CELSR1: variants seen among roughly 807,000 people sequenced by gnomAD.
CELSR1 encodes adhesion G protein-coupled receptor C1.
In CELSR1, 110 loss-of-function variants were observed where a neutral mutation model predicts 249.1. The observed-to-expected ratio is 0.44, with a 90% confidence interval of 0.38 to 0.52. The LOEUF is 0.52. Among genes scored for constraint, CELSR1 ranks in the 20% least tolerant of loss-of-function variants. The probability of loss-of-function intolerance (pLI) is 0.00; values close to 1 mark genes in which losing one functional copy is unlikely to be tolerated. For missense variants in CELSR1, 4,109 were observed against 4,296.4 expected (o/e 0.96, Z 1.22); for synonymous variants, 2,113 against 1,900.0 (o/e 1.11, Z -2.92).
chr22:46,438,129 G>A (rs79151316), intron 3 of CELSR1, among the ~76,000 whole-genome samples: 2,090 of 151,798 alleles, frequency 0.014, 47 homozygotes, highest in African/African-American at 0.045. Flanking sequence ...GGGGAGGGTT[G>A]GAACAATGCA....
Position 46,535,434 on chromosome 22 carries a change from G to A in CELSR1, c.1737C>T (p.Pro579=), listed in dbSNP as rs771112754. The A allele has an allele frequency of 1.1e-5, 18 of 1,608,074 alleles. No homozygotes were observed. Among genetic ancestry groups the A allele is most frequent in the South Asian group, 6.6e-5 (6 of 90,302 alleles). The change falls in exon 1 of 35, where the codon CCC becomes CCT. Residue 579 remains proline (P), a synonymous_variant. Coordinates refer to ENST00000674500, the MANE Select transcript of CELSR1 (RefSeq NM_001378328.1). The part of the protein sequence containing the change: ...PFQATVLENV[P]LGYPVVHIQA... ...GAATGTGCACCACGGGGTAGCCCAG[G>A]GGCACATTCTCCAGCACCGTGGCCT...
In CELSR1 at chr22:46,406,892, G is replaced by A. The variant is rs559183186; in HGVS notation, c.5226+2104C>T. Among the ~76,000 whole-genome samples, 104 of 152,090 alleles carry A rather than the reference G, an allele frequency of 6.8e-4. 1 individual carries two copies. The highest frequency in any genetic ancestry group is 4.4e-3 in the Admixed American group (67 of 15,288). On this transcript the variant is annotated intron_variant, in intron 9 of 34. Coordinates refer to ENST00000674500, the MANE Select transcript of CELSR1 (RefSeq NM_001378328.1). The surrounding 1 kb of genome is among the most constrained non-coding windows in gnomAD (Gnocchi z 5.4). ...CACACTCGGCAGCAAAAGAAGCCCA[G>A]AGCCCAACGGAGCAAAGGCAATAAG...
chr22:46,465,905 C>T (rs1457591864), intron 1 of CELSR1, among the ~76,000 whole-genome samples: 3 of 152,208 alleles, frequency 2.0e-5, no homozygotes, highest in East Asian at 1.9e-4. Context: ...TAACGACACT[C>T]GGGTCATGCC....
rs1046283523 is a variant in CELSR1, at chr22:46,402,037, G to A, written c.5227-2135C>T. Reference sequence around the variant, plus strand: ...CGGGAGGCGGAGGTAGCAGTGAACCGAGATCACGCCACCGCACTCCAGCCT... The same window carrying A: ...CGGGAGGCGGAGGTAGCAGTGAACCAAGATCACGCCACCGCACTCCAGCCT... On this transcript the variant is annotated intron_variant, in intron 9 of 34. Transcript: ENST00000674500. This position sits in a 1 kb window ranked among gnomAD's most constrained non-coding sequence, Gnocchi z 5.0. Among the ~76,000 whole-genome samples, 2 of 151,952 alleles carry A rather than the reference G, an allele frequency of 1.3e-5. No individual in the cohort carries two copies. Among genetic ancestry groups the A allele is most frequent in the South Asian group, 2.1e-4 (1 of 4,804 alleles).
At position 46,488,329 on chromosome 22, in the gene CELSR1, G is replaced by T. The variant is rs531703257; in HGVS notation, c.3545-23984C>A. ...CTGGGGACAGGGGGATGGTCTTGGGGGATGAGAGTCCCACTAAGGAGCTGA... is the reference window on the plus strand; with the variant it reads ...CTGGGGACAGGGGGATGGTCTTGGGTGATGAGAGTCCCACTAAGGAGCTGA... On this transcript the variant is annotated intron_variant, in intron 1 of 34. Coordinates refer to ENST00000674500, the MANE Select transcript of CELSR1 (RefSeq NM_001378328.1). This position sits in a 1 kb window ranked among gnomAD's most constrained non-coding sequence, Gnocchi z 4.7. Among the ~76,000 whole-genome samples the T allele has an allele frequency of 3.3e-5, 5 of 152,170 alleles. No individual in the cohort carries two copies. The highest frequency in any genetic ancestry group is 3.3e-4 in the Admixed American group (5 of 15,298).
In CELSR1 at chr22:46,372,713, C is replaced by T. The variant is rs193292459; in HGVS notation, c.7759+170G>A. ...CAGAAGACGTCGCCCCAGGTGTCTG[C>T]GAGTGCCCCTGTGCATGCACTCGCA... is the stretch of plus-strand genomic sequence containing the variant. On this transcript the variant is annotated intron_variant, in intron 25 of 34. Transcript: ENST00000674500. Among the ~76,000 whole-genome samples the T allele has an allele frequency of 4.2e-4, 64 of 152,276 alleles. 1 individual carries two copies. The highest frequency in any genetic ancestry group is 3.4e-3 in the Middle Eastern group (1 of 294).
intron 1 of CELSR1, among the ~76,000 whole-genome samples, chr22:46,466,519 G>A (rs541792364): frequency 6.6e-6 from 1 of 152,202 alleles, no homozygotes. Flanking sequence ...GACCCACCGG[G>A]CTGCTGAGAC....
rs1253190432 is a variant in CELSR1 at position 46,488,006 on chromosome 22, G to A, written c.3545-23661C>T. On this transcript the variant is annotated intron_variant, in intron 1 of 34. Coordinates refer to ENST00000674500, the MANE Select transcript of CELSR1 (RefSeq NM_001378328.1). The surrounding 1 kb of genome is among the most constrained non-coding windows in gnomAD (Gnocchi z 4.7). ...TGAGGGTGTAGGGGAGGGGTGTCCAGCTAATGGGGGTGTGGGGAGGGATGT... is the reference window on the plus strand; with the variant it reads ...TGAGGGTGTAGGGGAGGGGTGTCCAACTAATGGGGGTGTGGGGAGGGATGT... Among the ~76,000 whole-genome samples, 1 of 139,192 alleles carries A rather than the reference G, an allele frequency of 7.2e-6. No individual in the cohort carries two copies. Among genetic ancestry groups the A allele is most frequent in the South Asian group, 2.5e-4 (1 of 4,024 alleles). 91.3% of individuals were successfully genotyped at this position (139,192 alleles called of 152,430 possible).
At chr22:46,403,966 C>T (rs377472037) in intron 9 of CELSR1, among the ~76,000 whole-genome samples, 28 of 123,776 alleles carry the variant, frequency 2.3e-4, no homozygotes, top group African/African-American at 8.2e-4. Flanking sequence ...AGTGAAACTC[C>T]GTCTCAAAAA....
chr22:46,384,001 C>G (rs2079006008), intron 20 of CELSR1, among the ~76,000 whole-genome samples: 1 of 151,894 alleles, frequency 6.6e-6, no homozygotes, highest in Non-Finnish European at 1.5e-5. Context: ...GCTGGCATAT[C>G]TCGGCTCACT....
Position 46,534,751 on chromosome 22 carries a change from G to A in CELSR1, c.2420C>T (p.Ser807Phe). 1.9e-6 allele frequency: 3 copies of A among 1,613,094 alleles called. No homozygotes were observed. Among genetic ancestry groups the A allele is most frequent in the Non-Finnish European group, 2.5e-6 (3 of 1,180,026 alleles). ...ATCGTTGGCACTGAGGGTAGCAATG[G>A]AGGTGCCCACAGGCCTGTCCTCACT... is the stretch of plus-strand genomic sequence containing the variant. ...SVSEDRPVGT[S>F]IATLSANDED... is the part of the protein sequence containing the mutation. Residue 807 changes from serine to phenylalanine, a missense_variant, in exon 1 of 35, where the codon TCC becomes TTC. Transcript: ENST00000674500. The surrounding 1 kb of genome is among the most constrained non-coding windows in gnomAD (Gnocchi z 9.7).
In CELSR1 at chr22:46,417,701, A is replaced by G. The variant is rs2079419150; in HGVS notation, c.4612-5942T>C. Among the ~76,000 whole-genome samples the G allele has an allele frequency of 6.6e-6, 1 of 152,222 alleles. No individual in the cohort carries two copies. Among genetic ancestry groups the G allele is most frequent in the Non-Finnish European group, 1.5e-5 (1 of 68,040 alleles). ...CTGCCAGGGACCTGGGGCAGAAGACATACTCTATGAGCCTAGGCAGACTCT... is the reference window on the plus strand; with the variant it reads ...CTGCCAGGGACCTGGGGCAGAAGACGTACTCTATGAGCCTAGGCAGACTCT... On this transcript the variant is annotated intron_variant, in intron 5 of 34. Transcript: ENST00000674500. The surrounding 1 kb of genome is among the most constrained non-coding windows in gnomAD (Gnocchi z 4.1).
At position 46,472,470 on chromosome 22, in the gene CELSR1, G is replaced by C. The variant is rs1326958205; in HGVS notation, c.3545-8125C>G. Among the ~76,000 whole-genome samples, 2 of 152,178 alleles carry C rather than the reference G, an allele frequency of 1.3e-5. No individual in the cohort carries two copies. Among genetic ancestry groups the C allele is most frequent in the African/African-American group, 4.8e-5 (2 of 41,440 alleles). On this transcript the variant is annotated intron_variant, in intron 1 of 34. Coordinates refer to ENST00000674500, the MANE Select transcript of CELSR1 (RefSeq NM_001378328.1). The surrounding 1 kb of genome is among the most constrained non-coding windows in gnomAD (Gnocchi z 7.0). ...CAGGTGATTGGCGGCTGTGGGTGAAGAGCAGCGCAGCTGATGCTGGACGGC... is the reference window on the plus strand; with the variant it reads ...CAGGTGATTGGCGGCTGTGGGTGAACAGCAGCGCAGCTGATGCTGGACGGC...
Position 46,386,502 on chromosome 22 carries a change from C to T in CELSR1, c.6639G>A (p.Thr2213=), listed in dbSNP as rs778695703. ...WEQIQRSEGG[T]AQLLRRLEGY... is the part of the protein sequence containing the mutation. ...CCTCGAGGCGCCGGAGCAGCTGTGC[C>T]GTGCCGCCCTCGCTCCGCTGGATCT... Residue 2213 remains threonine (T), a synonymous_variant, in exon 19 of 35, where the codon ACG becomes ACA. Transcript: ENST00000674500. 6.3e-6 allele frequency: 10 copies of T among 1,598,754 alleles called. No homozygotes were observed. The highest frequency in any genetic ancestry group is 1.3e-5 in the African/African-American group (1 of 74,614).
intron 5 of CELSR1, among the ~76,000 whole-genome samples, chr22:46,419,919 TCA>T (rs1200977954): frequency 1.3e-5 from 2 of 150,824 alleles, no homozygotes; most frequent in Non-Finnish European, 2.9e-5. Flanking sequence ...ATTCATACGC[TCA>T]CACGTACACT....
intron 1 of CELSR1, among the ~76,000 whole-genome samples, chr22:46,474,815 G>A (rs1168284251): frequency 2.3e-5 from 1 of 43,194 alleles, no homozygotes; most frequent in Non-Finnish European, 4.5e-5. Flanking sequence ...TTGAGACGGA[G>A]TCTCACTCTG....
In CELSR1 at chr22:46,381,064, C is replaced by G. The variant is rs1286644036; in HGVS notation, c.7089-109G>C. On this transcript the variant is annotated intron_variant, in intron 21 of 34. Transcript: ENST00000674500. This position sits in a 1 kb window ranked among gnomAD's most constrained non-coding sequence, Gnocchi z 6.0. ...CGCCATGATGTGTTTCTAGGGGAGA[C>G]AGAATCACACTCCGAGAGCTCGGAC... 5.1e-6 allele frequency: 6 copies of G among 1,181,328 alleles called. No homozygotes were observed. The highest frequency in any genetic ancestry group is 1.5e-5 in the African/African-American group (1 of 65,274). 73.2% of individuals were successfully genotyped at this position (1,181,328 alleles called of 1,614,324 possible). A position where few individuals can be genotyped will look rare whatever the true frequency, so the allele number is the denominator to read the frequency against.
chr22:46,528,095 T>C (rs1429777390), intron 1 of CELSR1, among the ~76,000 whole-genome samples: 3 of 133,282 alleles, frequency 2.3e-5, no homozygotes, highest in African/African-American at 9.1e-5. Flanking sequence ...AGAGCAAGAC[T>C]GTCTCAAAAA....
chr22:46,535,665 G>A lies in CELSR1; in HGVS notation c.1506C>T (p.Asn502=), dbSNP rs372300418. 5.8e-5 allele frequency: 93 copies of A among 1,613,094 alleles called. No homozygotes were observed. The highest frequency in any genetic ancestry group is 7.7e-5 in the Non-Finnish European group (91 of 1,180,034). Residue 502 remains asparagine (N), a synonymous_variant, in exon 1 of 35, where the codon AAC becomes AAT. Transcript: ENST00000674500. ...AGTGCAGGTAGAACTGGCCGGCCAC[G>A]TTCCCGCTGAGGATGCTGTAGTGAA... ...AAIHYSILSG[N]VAGQFYLHSL... is the part of the protein sequence containing the mutation.
Sources: allele counts gnomAD v4.1 joint callset (sites outside exome capture counted in the v4.1 genomes callset), GRCh38; gene constraint gnomAD v4.1.1; non-coding constraint Gnocchi (gnomAD v3.1); transcripts MANE v1.5; gene names NCBI Gene and HGNC (gene_info 2026-07-23, HGNC 2026-07-21).